The following PTPRD variants were observed in gnomAD, a reference collection of about 807,000 sequenced individuals.
The protein encoded by PTPRD is protein tyrosine phosphatase receptor type D.
In PTPRD, 34 loss-of-function variants were observed where a neutral mutation model predicts 214.5. That is an observed-to-expected ratio of 0.16 (90% CI 0.12 to 0.21). PTPRD has a LOEUF of 0.21. Ranked by LOEUF, PTPRD falls within the 10% of genes least tolerant of loss-of-function variation. The probability of loss-of-function intolerance (pLI) is 1.00; values close to 1 mark genes in which losing one functional copy is unlikely to be tolerated. For synonymous variants in PTPRD, 1,128 were observed against 845.7 expected, an observed-to-expected ratio of 1.33 and a Z score of -5.79; for missense variants, 2,545 against 2,398.7, an observed-to-expected ratio of 1.06 and a Z score of -1.27.
intron 14 of PTPRD, among the ~76,000 whole-genome samples, chr9:8,566,525 G>A (rs996122715): frequency 6.6e-6 from 1 of 152,226 alleles, no homozygotes; most frequent in East Asian, 1.9e-4. Flanking sequence ...TAACAGCAAT[G>A]TTCATTATAG....
intron 8 of PTPRD, among the ~76,000 whole-genome samples, chr9:9,501,765 G>C (rs1194334824): frequency 1.3e-5 from 2 of 151,680 alleles, no homozygotes. Flanking sequence ...GATTCAGACA[G>C]GACCAAAATA....
At chr9:9,694,616 C>A (rs1446443655) in intron 7 of PTPRD, among the ~76,000 whole-genome samples, 1 of 151,956 alleles carries the variant, frequency 6.6e-6, no homozygotes, top group Non-Finnish European at 1.5e-5. Context: ...AGTAAAAAAA[C>A]CTTAGCAACT....
At chr9:9,729,323 T>C (rs2154439886) in intron 7 of PTPRD, among the ~76,000 whole-genome samples, 1 of 152,220 alleles carries the variant, frequency 6.6e-6, no homozygotes, top group African/African-American at 2.4e-5. Context: ...GCATGCCTCC[T>C]CTACAATCTC....
rs74309294 is a variant in PTPRD at position 8,685,821 on chromosome 9, G to A, written c.64+47959C>T. ...TCCCAAAGCAGTACCTTTACATACA[G>A]TGCTTTTTGTTAAAAATAAATAAAT... On this transcript the variant is annotated intron_variant, in intron 12 of 45. Transcript: ENST00000381196. Among the ~76,000 whole-genome samples, 161 of 152,298 alleles carry A rather than the reference G, an allele frequency of 1.1e-3. 4 individuals are homozygous for A. In the East Asian group the frequency reaches 0.03, roughly 28 times the overall value.
intron 3 of PTPRD, among the ~76,000 whole-genome samples, chr9:10,076,851 T>A (rs1163262114): frequency 6.6e-6 from 1 of 152,302 alleles, no homozygotes; most frequent in East Asian, 1.9e-4. Context: ...CTAATGGTGC[T>A]CTACGAACAT....
chr9:9,074,822 CAT>C (rs769023299), intron 10 of PTPRD, among the ~76,000 whole-genome samples: 22 of 149,398 alleles, frequency 1.5e-4, no homozygotes, highest in Non-Finnish European at 2.7e-4. Context: ...TAAAATATAA[CAT>C]GTAAAATAAT....
At chr9:8,944,809 A>G (rs891429904) in intron 11 of PTPRD, among the ~76,000 whole-genome samples, 1 of 147,230 alleles carries the variant, frequency 6.8e-6, no homozygotes, top group Non-Finnish European at 1.5e-5. Context: ...ACTTAGATAG[A>G]ATTAATAAGA....
chr9:9,330,232 C>A (rs2041801140), intron 9 of PTPRD, among the ~76,000 whole-genome samples: 1 of 152,012 alleles, frequency 6.6e-6, no homozygotes, highest in South Asian at 2.1e-4. Flanking sequence ...AACAGTTTTC[C>A]TGTTGTCTTT....
At chr9:8,485,680 C>G (rs1274374631) in intron 28 of PTPRD, 82 bp downstream of exon 28, 1 of 1,213,290 alleles carries the variant, frequency 8.2e-7, no homozygotes, top group Non-Finnish European at 1.1e-6. Flanking sequence ...ATGGGCTGAT[C>G]AGTTATTATA....
intron 9 of PTPRD, among the ~76,000 whole-genome samples, chr9:9,188,468 A>G (rs1057324362): frequency 6.6e-6 from 1 of 152,106 alleles, no homozygotes; most frequent in African/African-American, 2.4e-5. Context: ...TAGCAATTAT[A>G]CTTTTCCTGC....
intron 3 of PTPRD, among the ~76,000 whole-genome samples, chr9:10,308,475 T>G (rs1357092384): frequency 6.6e-6 from 1 of 152,134 alleles, no homozygotes; most frequent in Non-Finnish European, 1.5e-5. Flanking sequence ...CTTTGTAGTA[T>G]ATTTTGAAGT....
At chr9:10,138,416 AAAAC>A (rs552966698) in intron 3 of PTPRD, among the ~76,000 whole-genome samples, 22 of 152,112 alleles carry the variant, frequency 1.4e-4, no homozygotes, top group African/African-American at 3.1e-4. Context: ...ACAACAAAAC[AAAAC>A]AAACAAACAA....
intron 10 of PTPRD, among the ~76,000 whole-genome samples, chr9:9,149,706 A>G (rs950908440): frequency 3.3e-5 from 5 of 152,176 alleles, no homozygotes; most frequent in African/African-American, 1.2e-4. Flanking sequence ...AGAATTTCCA[A>G]ATGAAAACAT....
rs1209683118 is a variant in PTPRD, at chr9:9,734,519, A to C, written c.-287+14T>G. On this transcript the variant is annotated intron_variant, in intron 7 of 45. Coordinates refer to ENST00000381196, the MANE Select transcript of PTPRD (RefSeq NM_002839.4). ...ATCAGAAGACTGAGAGTCCCAAAGA[A>C]AAAAATATCTCACCAGATTTTTGAA... 6.6e-6 allele frequency: 1 copy of C among 152,134 alleles called. No homozygotes were observed. The highest frequency in any genetic ancestry group is 1.5e-5 in the Non-Finnish European group (1 of 67,972). The allele number at this position is 152,134 out of a possible 1,614,324, so 9.4% of individuals were successfully genotyped here. A position where few individuals can be genotyped will look rare whatever the true frequency, so the allele number is the denominator to read the frequency against.
intron 8 of PTPRD, among the ~76,000 whole-genome samples, chr9:9,460,416 C>G (rs1417570862): frequency 6.6e-6 from 1 of 151,908 alleles, no homozygotes; most frequent in Non-Finnish European, 1.5e-5. Context: ...TGAGAGAAAA[C>G]TTTTGCAAAC....
intron 2 of PTPRD, among the ~76,000 whole-genome samples, chr9:10,567,198 C>A (rs1462435607): frequency 6.6e-6 from 1 of 151,920 alleles, no homozygotes; most frequent in East Asian, 1.9e-4. Flanking sequence ...TTTCATATAC[C>A]TAGAACCATT....
intron 3 of PTPRD, among the ~76,000 whole-genome samples, chr9:10,228,304 T>G (rs905975642): frequency 5.3e-5 from 8 of 152,052 alleles, no homozygotes; most frequent in Non-Finnish European, 1.0e-4. Flanking sequence ...TTTTCACATT[T>G]TGTTTGCTTA....
intron 9 of PTPRD, among the ~76,000 whole-genome samples, chr9:9,257,030 C>G (rs1258534549): frequency 6.6e-6 from 1 of 151,948 alleles, no homozygotes; most frequent in Non-Finnish European, 1.5e-5. Context: ...CTTTCTCTCT[C>G]TGTGTCTTGT....
Position 10,300,558 on chromosome 9 carries a change from G to T in PTPRD, c.-545+40405C>A, listed in dbSNP as rs149202414. Among the ~76,000 whole-genome samples the T allele has an allele frequency of 2.6e-5, 4 of 152,256 alleles. No individual in the cohort carries two copies. In the East Asian group the frequency reaches 7.7e-4, roughly 29 times the overall value. Reference sequence around the variant, plus strand: ...AGCACAGAAGTCTGAGGTTGACCTGGGACACTCAAGCTTGGTGAGGGAAGG... The same window carrying T: ...AGCACAGAAGTCTGAGGTTGACCTGTGACACTCAAGCTTGGTGAGGGAAGG... On this transcript the variant is annotated intron_variant, in intron 3 of 45. Transcript: ENST00000381196.
Sources: gnomAD v4.1 joint callset for allele counts (sites outside exome capture counted in the v4.1 genomes callset) on GRCh38, gnomAD v4.1.1 for gene constraint, MANE v1.5 for transcripts, NCBI Gene and HGNC (gene_info 2026-07-23, HGNC 2026-07-21) for gene names.